The following PCDHGB6 variants were observed in gnomAD, a reference collection of about 807,000 sequenced individuals.
PCDHGB6 encodes protocadherin gamma subfamily B, 6.
Under a neutral mutation model 59.1 loss-of-function variants are expected in PCDHGB6, and 51 were observed. The observed-to-expected ratio is 0.86, with a 90% CI of 0.69 to 1.09. The LOEUF (loss-of-function observed/expected upper bound fraction) is 1.09. Among genes scored for constraint, PCDHGB6 ranks in the 50% least tolerant of loss-of-function variants. PCDHGB6 has a pLI of 0.00. For missense variants in PCDHGB6, 1,148 were observed against 1,205.1 expected, an observed-to-expected ratio of 0.95 and a Z score of 0.70; for synonymous variants, 466 against 495.1, an observed-to-expected ratio of 0.94 and a Z score of 0.78.
In PCDHGB6 at chr5:141,432,958, A is replaced by C; in HGVS notation, c.2418+22338A>C. 6.2e-7 allele frequency: 1 copy of C among 1,614,182 alleles called. No individual in the cohort carries two copies. Among genetic ancestry groups the C allele is most frequent in the African/African-American group, 1.3e-5 (1 of 75,056 alleles). On this transcript the variant is annotated intron_variant, in intron 1 of 3. Transcript: ENST00000520790. This position sits in a 1 kb window ranked among gnomAD's most constrained non-coding sequence, Gnocchi z 6.0. ...TGCAGGCTTCAGGAGGCGGCTTGAC[A>C]GGAGCGCCGGCGTCGCACTTTGTGG...
rs1206130340 is a variant in PCDHGB6, at chr5:141,473,814, G to A, written c.2419-20993G>A. On this transcript the variant is annotated intron_variant, in intron 1 of 3. Coordinates refer to ENST00000520790, the MANE Select transcript of PCDHGB6 (RefSeq NM_018926.3). ...GTATGATGCTACTGAGGAGCAGCTG[G>A]ACAATTGTGTGATCCAATTAAAATT... Among the ~76,000 whole-genome samples, 5 of 152,188 alleles carry A rather than the reference G, an allele frequency of 3.3e-5. No individual in the cohort carries two copies. The East Asian group carries it at 9.6e-4, about 29-fold the overall frequency.
At chr5:141,445,632 T>C (rs940642775) in intron 1 of PCDHGB6, among the ~76,000 whole-genome samples, 19 of 152,116 alleles carry the variant, frequency 1.2e-4, no homozygotes, top group Admixed American at 1.1e-3. Flanking sequence ...GAAAGTGATA[T>C]TTAGAGAGAT....
chr5:141,505,270 G>A (rs550800630), intron 2 of PCDHGB6, 123 bp from the exon 3 acceptor site: 103 of 1,520,724 alleles, frequency 6.8e-5, no homozygotes, highest in Middle Eastern at 4.6e-4. Context: ...CTTGCTGAGA[G>A]AAACAGGTCT....
intron 1 of PCDHGB6, among the ~76,000 whole-genome samples, chr5:141,453,670 G>A (rs191035462): frequency 2.5e-4 from 38 of 152,224 alleles, no homozygotes; most frequent in Middle Eastern, 6.8e-3. Context: ...TACACAAAAG[G>A]TAACACACTA....
intron 1 of PCDHGB6, chr5:141,429,276 T>C (rs748800169): frequency 6.6e-5 from 10 of 152,228 alleles, no homozygotes; most frequent in Non-Finnish European, 1.2e-4. Flanking sequence ...TTTTTTCCTG[T>C]GATGTTTCTT....
At chr5:141,438,607 T>C (rs924136790) in intron 1 of PCDHGB6, among the ~76,000 whole-genome samples, 2 of 27,412 alleles carry the variant, frequency 7.3e-5, no homozygotes. Flanking sequence ...TATATATATA[T>C]ATATATATAT....
At chr5:141,433,084 T>G in intron 1 of PCDHGB6, 1 of 1,614,184 alleles carries the variant, frequency 6.2e-7, no homozygotes, top group Non-Finnish European at 8.5e-7. Flanking sequence ...AGCCCAACTA[T>G]GCAGACATGC....
At chr5:141,503,902 C>T (rs552180745) in intron 2 of PCDHGB6, among the ~76,000 whole-genome samples, 7 of 152,328 alleles carry the variant, frequency 4.6e-5, no homozygotes, top group African/African-American at 1.7e-4. Context: ...AATATGCACA[C>T]ACACAACGCA....
chr5:141,477,708 G>T lies in PCDHGB6; in HGVS notation c.2419-17099G>T. ...GTGCCCCTAGACTATGAGGATCGGC[G>T]GGAATTTGAATTAACAGCTCATATC... On this transcript the variant is annotated intron_variant, in intron 1 of 3. Transcript: ENST00000520790. The surrounding 1 kb of genome is among the most constrained non-coding windows in gnomAD (Gnocchi z 4.9). 2 of 1,613,930 alleles carry T rather than the reference G, an allele frequency of 1.2e-6. No individual in the cohort carries two copies. Among genetic ancestry groups the T allele is most frequent in the Non-Finnish European group, 1.7e-6 (2 of 1,180,030 alleles).
Position 141,423,156 on chromosome 5 carries a change from CGTG to C in PCDHGB6, c.2418+12541_2418+12543del, listed in dbSNP as rs776903094. On this transcript the variant is annotated intron_variant, in intron 1 of 3. Coordinates refer to ENST00000520790, the MANE Select transcript of PCDHGB6 (RefSeq NM_018926.3). ...ACAGAGACGCGCTCAAGCAGAGCCT[CGTG>C]GTGGCCGTCCAGGACCACGGCCAGC... 8.2e-4 allele frequency: 1,328 copies of C among 1,613,396 alleles called. 15 individuals are homozygous for C. Among genetic ancestry groups the C allele is most frequent in the Admixed American group, 9.5e-4 (57 of 60,016 alleles).
chr5:141,415,101 C>T, intron 1 of PCDHGB6: 1 of 1,613,550 alleles, frequency 6.2e-7, no homozygotes, highest in South Asian at 1.1e-5. Context: ...GAGACGCGCT[C>T]AAGCAAAGCC....
At chr5:141,414,692 C>T (rs2095777962) in intron 1 of PCDHGB6, 1 of 1,613,918 alleles carries the variant, frequency 6.2e-7, no homozygotes, top group African/African-American at 1.3e-5. Flanking sequence ...GTACCTCTGT[C>T]CTCATACATA....
At chr5:141,472,256 T>C (rs2099275290) in intron 1 of PCDHGB6, among the ~76,000 whole-genome samples, 1 of 152,176 alleles carries the variant, frequency 6.6e-6, no homozygotes, top group South Asian at 2.1e-4. Flanking sequence ...TAAAGTTATA[T>C]TATAGCCGGG....
At chr5:141,468,744 T>G (rs113912306) in intron 1 of PCDHGB6, among the ~76,000 whole-genome samples, 5,602 of 152,138 alleles carry the variant, frequency 0.037, 142 homozygotes, top group South Asian at 0.077. Flanking sequence ...CGGGTGCCTG[T>G]AGTCCCAGCT....
intron 1 of PCDHGB6, among the ~76,000 whole-genome samples, chr5:141,454,730 A>C (rs2098797371): frequency 6.7e-6 from 1 of 150,092 alleles, no homozygotes; most frequent in Admixed American, 6.7e-5. Context: ...TATATGTTAT[A>C]GGATGAAAAG....
rs1427052612 is a variant in PCDHGB6 at position 141,493,002 on chromosome 5, A to G, written c.2419-1805A>G. Among the ~76,000 whole-genome samples, 4 of 152,246 alleles carry G rather than the reference A, an allele frequency of 2.6e-5. No individual in the cohort carries two copies. The highest frequency in any genetic ancestry group is 2.1e-4 in the South Asian group (1 of 4,832). On this transcript the variant is annotated intron_variant, in intron 1 of 3. Transcript: ENST00000520790. This position sits in a 1 kb window ranked among gnomAD's most constrained non-coding sequence, Gnocchi z 4.3. ...TCTCCTCTGGCAGATGGAAAGCTAT[A>G]GGCTCTGCCAGATGCCAGGGTGCCC... is the stretch of plus-strand genomic sequence containing the variant.
rs1486863170 is a variant in PCDHGB6, at chr5:141,408,443, A to G, written c.241A>G (p.Ser81Gly). 1 of 1,613,956 alleles carries G rather than the reference A, an allele frequency of 6.2e-7. No homozygotes were observed. Among genetic ancestry groups the G allele is most frequent in the Non-Finnish European group, 8.5e-7 (1 of 1,179,916 alleles). ...EKLHFSVDAE[S>G]GDLLVKNRID... ...GCTGCACTTCAGCGTAGACGCGGAG[A>G]GCGGGGACTTACTTGTGAAGAACCG... is the stretch of plus-strand genomic sequence containing the variant. The change falls in exon 1 of 4, where the codon AGC becomes GGC. Residue 81 changes from serine to glycine, a missense_variant. This residue lies in a region of PCDHGB6 where 307 missense variants were observed against 323.8 expected (regional missense o/e 0.95). Coordinates refer to ENST00000520790, the MANE Select transcript of PCDHGB6 (RefSeq NM_018926.3).
chr5:141,472,980 C>CAAAAAAAAAAAAAAAAAAAAAAAAAAAA (rs60579131), intron 1 of PCDHGB6, among the ~76,000 whole-genome samples: 1 of 86,106 alleles, frequency 1.2e-5, no homozygotes, highest in Non-Finnish European at 2.5e-5. Flanking sequence ...GAGTGAAACT[C>CAAAAAAAAAAAAAAAAAAAAAAAAAAAA]AAAAAAAAAA....
intron 1 of PCDHGB6, among the ~76,000 whole-genome samples, chr5:141,459,692 G>A (rs891511502): frequency 2.6e-5 from 4 of 152,134 alleles, no homozygotes; most frequent in African/African-American, 9.7e-5. Flanking sequence ...AAAGCGTTCC[G>A]CTTGCTACAT....
Sources: gnomAD v4.1 joint callset for allele counts (sites outside exome capture counted in the v4.1 genomes callset) on GRCh38, gnomAD v4.1.1 for gene constraint, gnomAD v4.1.1 regional missense constraint, Gnocchi (gnomAD v3.1) non-coding constraint, MANE v1.5 for transcripts, NCBI Gene and HGNC (gene_info 2026-07-23, HGNC 2026-07-21) for gene names.